Variants in HMG20B observed in about 807,000 individuals in gnomAD.
The protein encoded by HMG20B is high mobility group 20B.
In HMG20B, 24 loss-of-function variants were observed where a neutral mutation model predicts 41.6. The observed-to-expected ratio is 0.58, with a 90% CI of 0.42 to 0.81. The LOEUF (loss-of-function observed/expected upper bound fraction) is 0.81, where lower values mean the gene tolerates loss of function less well. HMG20B is among the 30% of genes least tolerant of loss of function. The probability of loss-of-function intolerance (pLI) is 0.00; values close to 1 mark genes in which losing one functional copy is unlikely to be tolerated. For missense variants in HMG20B, 461 were observed against 444.0 expected, an observed-to-expected ratio of 1.04 and a Z score of -0.34; for synonymous variants, 251 against 186.6, an observed-to-expected ratio of 1.34 and a Z score of -2.81.
intron 4 of HMG20B, 109 bp from the exon 5 acceptor site, chr19:3,575,431 C>A: frequency 6.6e-7 from 1 of 1,504,008 alleles, no homozygotes; most frequent in East Asian, 2.5e-5. Flanking sequence ...GAATAGGGAG[C>A]TATAGAAGGT....
At chr19:3,573,436 G>A in intron 2 of HMG20B, 89 bp downstream of exon 2, 4 of 1,331,570 alleles carry the variant, frequency 3.0e-6, no homozygotes, top group Middle Eastern at 3.7e-4. Context: ...CCTCCCGCCG[G>A]AGTCTTGACT....
At chr19:3,576,766 G>A (rs562200367) in intron 7 of HMG20B, 126 bp from the exon 8 acceptor site, 46 of 1,268,678 alleles carry the variant, frequency 3.6e-5, no homozygotes, top group Admixed American at 3.5e-4. Flanking sequence ...TCGCTCCAGA[G>A]GCTGATGTGG....
intron 7 of HMG20B, 131 bp from the exon 8 acceptor site, chr19:3,576,761 C>G (rs2032170201): frequency 8.6e-6 from 11 of 1,276,410 alleles, no homozygotes; most frequent in Non-Finnish European, 1.2e-5. Flanking sequence ...CGCTGTCGCT[C>G]CAGAGGCTGA....
rs1439307390 is a variant in HMG20B at position 3,574,441 on chromosome 19, G to A, written c.206G>A (p.Gly69Glu). 1.2e-6 allele frequency: 2 copies of A among 1,609,078 alleles called. No homozygotes were observed. Among genetic ancestry groups the A allele is most frequent in the Non-Finnish European group, 1.7e-6 (2 of 1,178,396 alleles). Residue 69 changes from glycine to glutamate, a missense_variant, in exon 4 of 10, where the codon GGG (glycine) becomes GAG (glutamate). By Grantham distance (98) the Gly-to-Glu change is moderately conservative. Around this residue, in one of 3 missense-constraint regions of HMG20B, gnomAD observed 49 missense variants for 84.1 expected, o/e 0.58. Transcript: ENST00000333651. The part of the protein sequence containing the change: ...GKKRKKILPN[G>E]PKAPVTGYVR... Reference sequence around the variant, plus strand: ...AAGCGGAAGAAGATTCTGCCGAATGGGCCCAAGGCACCGGTCACGGGCTAC... The same window carrying A: ...AAGCGGAAGAAGATTCTGCCGAATGAGCCCAAGGCACCGGTCACGGGCTAC...
In HMG20B at chr19:3,576,998, TCTGGAGCAGGAG is replaced by T; in HGVS notation, c.704_715del (p.Glu235_Leu238del). On this transcript the variant is annotated inframe_deletion, in exon 8 of 10. Transcript: ENST00000333651. ...AGAGCATGAGCAGCGCGCGCGAGCGTCTGGAGCAGGAGCTGGCGCTGGAGGAGCGGAGGACGC... is the reference window on the plus strand; with the variant it reads ...AGAGCATGAGCAGCGCGCGCGAGCGTCTGGCGCTGGAGGAGCGGAGGACGC... 1 of 1,562,678 alleles carries T rather than the reference TCTGGAGCAGGAG, an allele frequency of 6.4e-7. No individual in the cohort carries two copies. Among genetic ancestry groups the T allele is most frequent in the Non-Finnish European group, 8.7e-7 (1 of 1,154,928 alleles).
intron 8 of HMG20B, 64 bp downstream of exon 8, chr19:3,577,171 CTCCT>C: frequency 8.8e-7 from 1 of 1,142,236 alleles, no homozygotes; most frequent in Non-Finnish European, 1.2e-6. Context: ...CTCCCCCCCC[CTCCT>C]CCCTTCCCCC....
intron 3 of HMG20B, chr19:3,574,040 C>G (rs2032101946): frequency 1.5e-6 from 1 of 667,570 alleles, no homozygotes; most frequent in African/African-American, 1.8e-5. Flanking sequence ...CCCACTTCCA[C>G]TCCTTGGGGG....
Position 3,573,762 on chromosome 19 carries a change from G to C in HMG20B, c.109G>C (p.Gly37Arg), listed in dbSNP as rs750426227. 1 of 1,558,946 alleles carries C rather than the reference G, an allele frequency of 6.4e-7. No homozygotes were observed. Among genetic ancestry groups the C allele is most frequent in the South Asian group, 1.2e-5 (1 of 85,276 alleles). Reference sequence around the variant, plus strand: ...GACTGTCAAGCAAGAGCGCGGCGAGGGTCCACGCGCGGGCGAGAAGGGGTC... The same window carrying C: ...GACTGTCAAGCAAGAGCGCGGCGAGCGTCCACGCGCGGGCGAGAAGGGGTC... ...VVTVKQERGEGPRAGEKGSHE... is the reference protein window; with the variant it reads ...VVTVKQERGERPRAGEKGSHE... Residue 37 changes from glycine (G) to arginine (R), a missense_variant, in exon 3 of 10, where the codon GGT (glycine) becomes CGT (arginine). By Grantham distance (125) the Gly-to-Arg change is moderately radical (BLOSUM62 -2). Transcript: ENST00000333651.
intron 6 of HMG20B, 24 bp from the exon 7 acceptor site, chr19:3,576,529 T>TG (rs1295313454): frequency 6.2e-7 from 1 of 1,604,996 alleles, no homozygotes; most frequent in Non-Finnish European, 8.5e-7. Context: ...ACCAGTAAAT[T>TG]GCCACCTTGT....
chr19:3,577,647 C>G (rs1026531672), intron 8 of HMG20B, among the ~76,000 whole-genome samples: 4 of 124,184 alleles, frequency 3.2e-5, no homozygotes, highest in African/African-American at 1.1e-4. Flanking sequence ...CCCGCTGACG[C>G]CTGAGCCCCC....
intron 5 of HMG20B, 83 bp from the exon 6 acceptor site, chr19:3,576,178 G>A (rs918525036): frequency 4.7e-6 from 6 of 1,278,114 alleles, no homozygotes; most frequent in South Asian, 1.2e-5. Context: ...AGCTGGAGCC[G>A]GCTGAGCAGC....
chr19:3,575,639 CAGG>C lies in HMG20B; in HGVS notation c.454_456del (p.Glu152del), dbSNP rs1451702419. On this transcript the variant is annotated inframe_deletion, in exon 5 of 10. Transcript: ENST00000333651. ...CTATAAGATGTGCACGGAGAAGATC[CAGG>C]AGAAGAAGATCAAGAAAGGTGGGAG... The C allele has an allele frequency of 1.3e-6, 2 of 1,551,086 alleles. No homozygotes were observed. The highest frequency in any genetic ancestry group is 8.7e-7 in the Non-Finnish European group (1 of 1,146,938).
chr19:3,576,970 CGCAGAGCATGA>C lies in HMG20B; in HGVS notation c.676_686del (p.Ser226ArgfsTer135). ...CAGAACGCGGTACTGCAGAGGCACA[CGCAGAGCATGA>C]GCAGCGCGCGCGAGCGTCTGGAGCA... On this transcript the variant is annotated frameshift_variant, in exon 8 of 10. Coordinates refer to ENST00000333651, the MANE Select transcript of HMG20B (RefSeq NM_006339.3). LOFTEE classifies it high-confidence loss of function. The C allele has an allele frequency of 6.3e-7, 1 of 1,578,602 alleles. No individual in the cohort carries two copies. Among genetic ancestry groups the C allele is most frequent in the Non-Finnish European group, 8.6e-7 (1 of 1,163,800 alleles).
intron 5 of HMG20B, 170 bp from the exon 6 acceptor site, chr19:3,576,091 C>G: frequency 1.6e-6 from 1 of 635,842 alleles, no homozygotes; most frequent in Non-Finnish European, 2.8e-6. Context: ...GGGAAAGATA[C>G]ATAGCCAGAC....
chr19:3,575,427 G>A, intron 4 of HMG20B, 113 bp from the exon 5 acceptor site: 5 of 1,494,788 alleles, frequency 3.3e-6, no homozygotes, highest in Non-Finnish European at 3.6e-6. Flanking sequence ...GAGGGAATAG[G>A]GAGCTATAGA....
chr19:3,573,432 G>A, intron 2 of HMG20B, 85 bp downstream of exon 2: 1 of 1,365,944 alleles, frequency 7.3e-7, no homozygotes, highest in Non-Finnish European at 9.7e-7. Flanking sequence ...AGTCCCTCCC[G>A]CCGGAGTCTT....
chr19:3,574,442 G>T lies in HMG20B; in HGVS notation c.207G>T (p.Gly69=). ...AGCGGAAGAAGATTCTGCCGAATGG[G>T]CCCAAGGCACCGGTCACGGGCTACG... is the stretch of plus-strand genomic sequence containing the variant. ...GKKRKKILPN[G]PKAPVTGYVR... The change falls in exon 4 of 10, where the codon GGG becomes GGT. Residue 69 remains glycine, a synonymous_variant. Coordinates refer to ENST00000333651, the MANE Select transcript of HMG20B (RefSeq NM_006339.3). The T allele has an allele frequency of 6.2e-7, 1 of 1,608,966 alleles. No homozygotes were observed. Among genetic ancestry groups the T allele is most frequent in the Non-Finnish European group, 8.5e-7 (1 of 1,178,332 alleles).
chr19:3,575,943 CAAAA>C (rs71166913), intron 5 of HMG20B: 899 of 288,296 alleles, frequency 3.1e-3, no homozygotes, highest in East Asian at 5.3e-3. Context: ...GACTCCGTCT[CAAAA>C]AAAAAAAAAA....
intron 7 of HMG20B, 67 bp downstream of exon 7, chr19:3,576,692 G>A: frequency 6.9e-7 from 1 of 1,451,154 alleles, no homozygotes; most frequent in East Asian, 2.4e-5. Context: ...GCGTGGGCCA[G>A]GAGGGCCCCA....
Sources: allele counts gnomAD v4.1 joint callset (sites outside exome capture counted in the v4.1 genomes callset), GRCh38; gene constraint gnomAD v4.1.1; regional missense constraint gnomAD v4.1.1; transcripts MANE v1.5; gene names NCBI Gene and HGNC (gene_info 2026-07-23, HGNC 2026-07-21).